The following TTF1 variants were observed in gnomAD, a reference collection of about 807,000 sequenced individuals.
TTF1 encodes transcription termination factor 1.
In TTF1, 64 loss-of-function variants were observed where a neutral mutation model predicts 80.2. The observed-to-expected ratio is 0.80, with a 90% CI of 0.65 to 0.98. The LOEUF is 0.98. TTF1 is among the 50% of genes least tolerant of loss of function. The pLI, the probability that TTF1 is intolerant of heterozygous loss-of-function variation, is 0.00. For missense variants in TTF1, 1,023 were observed against 1,086.2 expected (o/e 0.94, Z 0.82); for synonymous variants, 372 against 382.7 (o/e 0.97, Z 0.33).
At position 132,401,608 on chromosome 9, in the gene TTF1, T is replaced by C. The variant is rs1191147701; in HGVS notation, c.1214A>G (p.Asp405Gly). The C allele has an allele frequency of 6.2e-7, 1 of 1,614,010 alleles. No homozygotes were observed. The highest frequency in any genetic ancestry group is 1.3e-5 in the African/African-American group (1 of 74,916). ...GTTCTTACTGGGCACTGAAAAATCA[T>C]CACCAGACACTCGTGCCCTTTTGAC... ...TSVKRARVSG[D>G]DFSVPSKNSE... Residue 405 changes from aspartate to glycine, a missense_variant, in exon 2 of 11, where the codon GAT becomes GGT. Asp to Gly is a moderately conservative substitution (Grantham distance 94). Coordinates refer to ENST00000334270, the MANE Select transcript of TTF1 (RefSeq NM_007344.4).
chr9:132,394,539 C>G (rs1299293660), intron 5 of TTF1, among the ~76,000 whole-genome samples: 1 of 152,124 alleles, frequency 6.6e-6, no homozygotes, highest in African/African-American at 2.4e-5. Context: ...CTCAGCCTCT[C>G]AAAGTGCTGG....
At chr9:132,394,735 A>T (rs546391553) in intron 5 of TTF1, among the ~76,000 whole-genome samples, 1 of 151,796 alleles carries the variant, frequency 6.6e-6, no homozygotes, top group Non-Finnish European at 1.5e-5. Flanking sequence ...TCCACTAAAA[A>T]TATAAAAATT....
At chr9:132,376,667 T>TC (rs1849183218) in intron 10 of TTF1, among the ~76,000 whole-genome samples, 1 of 151,132 alleles carries the variant, frequency 6.6e-6, no homozygotes, top group African/African-American at 2.4e-5. Flanking sequence ...GTATCCTTTT[T>TC]TTTTTTTTTT....
chr9:132,383,374 T>C (rs1195405095), intron 9 of TTF1, among the ~76,000 whole-genome samples: 2 of 152,188 alleles, frequency 1.3e-5, no homozygotes, highest in South Asian at 2.1e-4. Flanking sequence ...GAGGGTGTAC[T>C]ATATCAATGT....
At chr9:132,396,955 G>C (rs1177021964) in intron 4 of TTF1, among the ~76,000 whole-genome samples, 4 of 152,042 alleles carry the variant, frequency 2.6e-5, no homozygotes, top group Non-Finnish European at 4.4e-5. Context: ...GGCTGGTCTT[G>C]AACTCCTGAC....
At chr9:132,393,711 G>T (rs138259741) in intron 5 of TTF1, among the ~76,000 whole-genome samples, 2 of 152,072 alleles carry the variant, frequency 1.3e-5, no homozygotes. Flanking sequence ...CTCTAGCACC[G>T]CTGGGTTAGG....
intron 4 of TTF1, among the ~76,000 whole-genome samples, chr9:132,397,269 A>G (rs1052113268): frequency 2.6e-5 from 4 of 152,238 alleles, no homozygotes; most frequent in Non-Finnish European, 4.4e-5. Flanking sequence ...TTCCCAAATC[A>G]GCTTTTCTCA....
rs769953129 is a variant in TTF1 at position 132,388,196 on chromosome 9, C to T, written c.2255G>A (p.Gly752Asp). The change falls in exon 8 of 11, where the codon GGT becomes GAT. Residue 752 changes from glycine to aspartate, a missense_variant. By Grantham distance (94) the Gly-to-Asp change is moderately conservative (BLOSUM62 -1). Transcript: ENST00000334270. ...TEILTKRMTNGRRIYYGMNAL... is the reference protein window; with the variant it reads ...TEILTKRMTNDRRIYYGMNAL... ...ATTCATGCCATAGTAGATACGCCGACCATTAGTCATCCTCTTGGTTAGAAT... is the reference window on the plus strand; with the variant it reads ...ATTCATGCCATAGTAGATACGCCGATCATTAGTCATCCTCTTGGTTAGAAT... The T allele has an allele frequency of 3.1e-6, 5 of 1,611,204 alleles. No individual in the cohort carries two copies. The East Asian group carries it at 6.7e-5, about 22-fold the overall frequency.
rs779912495 is a variant in TTF1 at position 132,392,112 on chromosome 9, G to C, written c.1951C>G (p.Leu651Val). ...TIGEMVARSSLSVALKFSQIS... is the reference protein window; with the variant it reads ...TIGEMVARSSVSVALKFSQIS... ...TGTGAGAACTTGAGGGCCACGGAGAGGCTACTTCGGGCCACCATCTCACCA... is the reference window on the plus strand; with the variant it reads ...TGTGAGAACTTGAGGGCCACGGAGACGCTACTTCGGGCCACCATCTCACCA... Residue 651 changes from leucine to valine, a missense_variant, in exon 6 of 11, where the codon CTC becomes GTC. Physicochemically the swap from Leu to Val is conservative, Grantham distance 32. Transcript: ENST00000334270. 2 of 1,614,092 alleles carry C rather than the reference G, an allele frequency of 1.2e-6. No individual in the cohort carries two copies. The highest frequency in any genetic ancestry group is 1.7e-6 in the Non-Finnish European group (2 of 1,180,036).
Position 132,402,272 on chromosome 9 carries a change from T to G in TTF1, c.550A>C (p.Arg184=). The part of the protein sequence containing the change: ...KAASWESQRA[R]DTLPQSESHQ... ...GATTCTGACTGAGGCAGGGTGTCCC[T>G]TGCCCGCTGGCTCTCCCAGGATGCA... The change falls in exon 2 of 11, where the codon AGG becomes CGG. Residue 184 remains arginine, a synonymous_variant. Transcript: ENST00000334270. 6.2e-7 allele frequency: 1 copy of G among 1,614,118 alleles called. No individual in the cohort carries two copies.
chr9:132,377,821 GGTGT>G (rs138485048), intron 10 of TTF1, among the ~76,000 whole-genome samples: 12 of 126,778 alleles, frequency 9.5e-5, no homozygotes, highest in African/African-American at 2.9e-4. Context: ...GAGTGCATGT[GGTGT>G]GTGTGAATGC....
At chr9:132,377,695 G>GTA (rs1849241986) in intron 10 of TTF1, among the ~76,000 whole-genome samples, 1 of 49,032 alleles carries the variant, frequency 2.0e-5, no homozygotes, top group Non-Finnish European at 4.3e-5. Context: ...TGTGGTGTGA[G>GTA]TGCATGTGGT....
intron 5 of TTF1, among the ~76,000 whole-genome samples, chr9:132,393,953 G>A (rs907126298): frequency 1.1e-4 from 17 of 151,338 alleles, no homozygotes; most frequent in African/African-American, 4.1e-4. Context: ...ACAGGGTCTG[G>A]CTCTGTCACC....
chr9:132,381,058 T>A (rs1254814772), intron 9 of TTF1, among the ~76,000 whole-genome samples: 1 of 152,184 alleles, frequency 6.6e-6, no homozygotes, highest in Non-Finnish European at 1.5e-5. Context: ...ACAACAGGCA[T>A]GTGTCACCAC....
At chr9:132,393,966 G>C (rs1439680307) in intron 5 of TTF1, among the ~76,000 whole-genome samples, 1 of 151,224 alleles carries the variant, frequency 6.6e-6, no homozygotes, top group African/African-American at 2.4e-5. Context: ...CTGTCACCCA[G>C]GCTGGAGCAC....
intron 5 of TTF1, 40 bp downstream of exon 5, chr9:132,396,393 A>G: frequency 6.4e-7 from 1 of 1,573,426 alleles, no homozygotes; most frequent in Non-Finnish European, 8.7e-7. Context: ...AGCAAAGACT[A>G]GAGAAATGTT....
Position 132,398,164 on chromosome 9 carries a change from C to G in TTF1, c.1754G>C (p.Arg585Thr). The change falls in exon 4 of 11, where the codon AGA (arginine) becomes ACA (threonine). Residue 585 changes from arginine to threonine, a missense_variant. Transcript: ENST00000334270. Reference sequence around the variant, plus strand: ...ACCAATGTGTAATCTAAACGAGTATCTCCTTTTTAAGTTGGTGATCACAGA... The same window carrying G: ...ACCAATGTGTAATCTAAACGAGTATGTCCTTTTTAAGTTGGTGATCACAGA... ...EKSVITNLKR[R>T]YSFRLHIGRN... is the part of the protein sequence containing the mutation. The G allele has an allele frequency of 6.3e-7, 1 of 1,587,046 alleles. No homozygotes were observed. The highest frequency in any genetic ancestry group is 8.5e-7 in the Non-Finnish European group (1 of 1,171,962).
At position 132,375,996 on chromosome 9, in the gene TTF1, T is replaced by G. The variant is rs1232949142; in HGVS notation, c.2637A>C (p.Lys879Asn). 4 of 1,614,118 alleles carry G rather than the reference T, an allele frequency of 2.5e-6. No homozygotes were observed. The highest frequency in any genetic ancestry group is 3.4e-6 in the Non-Finnish European group (4 of 1,180,026). The change falls in exon 11 of 11, where the codon AAA (lysine) becomes AAC (asparagine). Residue 879 changes from lysine to asparagine, a missense_variant. Lys to Asn is a moderately conservative substitution (Grantham distance 94). Transcript: ENST00000334270. ...TGCATGGCGCCTGGCCTTCGCTTTCTTTTTCTATGTCCTCTCCTTCACTAT... is the reference window on the plus strand; with the variant it reads ...TGCATGGCGCCTGGCCTTCGCTTTCGTTTTCTATGTCCTCTCCTTCACTAT... ...EDDSEGEDIE[K>N]ESEGQAPCMA... is the part of the protein sequence containing the mutation.
chr9:132,401,298 C>G (rs998739179), intron 2 of TTF1, among the ~76,000 whole-genome samples, 157 bp downstream of exon 2: 2 of 151,682 alleles, frequency 1.3e-5, no homozygotes, highest in African/African-American at 4.9e-5. Flanking sequence ...TGCACTCCAG[C>G]CTGGACAATA....
Sources: gnomAD v4.1 joint callset for allele counts (sites outside exome capture counted in the v4.1 genomes callset) on GRCh38, gnomAD v4.1.1 for gene constraint, MANE v1.5 for transcripts, NCBI Gene and HGNC (gene_info 2026-07-23, HGNC 2026-07-21) for gene names.